The following PIKFYVE variants were observed in gnomAD, a reference collection of about 807,000 sequenced individuals.
PIKFYVE encodes 1-phosphatidylinositol 3-phosphate 5-kinase.
In PIKFYVE, 122 loss-of-function variants were observed where a neutral mutation model predicts 257.9. The observed-to-expected ratio is 0.47, with a 90% CI of 0.41 to 0.55. PIKFYVE has a LOEUF of 0.55. PIKFYVE is among the 20% of genes least tolerant of loss of function. The pLI, the probability that PIKFYVE is intolerant of heterozygous loss-of-function variation, is 0.00. For missense variants in PIKFYVE, 2,160 were observed against 2,536.6 expected, an observed-to-expected ratio of 0.85 and a Z score of 3.19; for synonymous variants, 892 against 868.9, an observed-to-expected ratio of 1.03 and a Z score of -0.47.
intron 25 of PIKFYVE, 58 bp downstream of exon 25, chr2:208,335,477 C>A: frequency 7.9e-7 from 1 of 1,262,252 alleles, no homozygotes; most frequent in Non-Finnish European, 1.1e-6. Flanking sequence ...TTTAAAGTAT[C>A]AGATTTATTC....
chr2:208,349,742 A>G (rs1465804), intron 35 of PIKFYVE, among the ~76,000 whole-genome samples: 141,262 of 151,960 alleles, frequency 0.93, 66,200 homozygotes, highest in Non-Finnish European at 0.98. Context: ...CTGAGTTACT[A>G]TATTGCCACT....
intron 17 of PIKFYVE, among the ~76,000 whole-genome samples, chr2:208,322,899 G>T (rs7567233): frequency 7.3e-6 from 1 of 136,738 alleles, no homozygotes; most frequent in South Asian, 2.5e-4. Context: ...CCTGTGTCCA[G>T]GTGTTCTCAA....
chr2:208,273,508 T>A, intron 2 of PIKFYVE, 76 bp from the exon 3 acceptor site: 2 of 1,588,526 alleles, frequency 1.3e-6, no homozygotes, highest in South Asian at 2.2e-5. Context: ...CATTGTTGCC[T>A]GAAAATTTTC....
At chr2:208,269,490 C>T (rs1689128647) in intron 1 of PIKFYVE, 1 of 255,306 alleles carries the variant, frequency 3.9e-6, no homozygotes, top group Non-Finnish European at 8.3e-6. Context: ...TGCTGTTCCC[C>T]TCCTTGACTA....
chr2:208,346,293 T>C (rs1699225620), intron 34 of PIKFYVE, 146 bp downstream of exon 34: 2 of 755,442 alleles, frequency 2.6e-6, no homozygotes, highest in Admixed American at 2.3e-5. Flanking sequence ...TATTTTTGTA[T>C]GCCCTCTTTA....
chr2:208,348,159 G>T, intron 35 of PIKFYVE, 136 bp downstream of exon 35: 1 of 1,137,442 alleles, frequency 8.8e-7, no homozygotes, highest in Non-Finnish European at 1.3e-6. Context: ...ACTTGTCAGT[G>T]TGGTAGAGTG....
chr2:208,352,519 T>C (rs1699867425), intron 38 of PIKFYVE, 135 bp from the exon 39 acceptor site: 1 of 932,190 alleles, frequency 1.1e-6, no homozygotes, highest in Admixed American at 2.7e-5. Context: ...TTCAAGAGTT[T>C]GAGTTTTTTT....
chr2:208,338,449 A>C, intron 28 of PIKFYVE, 59 bp from the exon 29 acceptor site: 2 of 1,551,162 alleles, frequency 1.3e-6, no homozygotes, highest in Admixed American at 1.7e-5. Context: ...TGGATTAAAA[A>C]ATTTTTTGAA....
intron 1 of PIKFYVE, chr2:208,269,847 G>C: frequency 3.5e-6 from 1 of 288,542 alleles, no homozygotes; most frequent in Non-Finnish European, 7.2e-6. Flanking sequence ...GGATGGGATA[G>C]CTGGCTCAGC....
chr2:208,327,003 C>G (rs1697003731), intron 20 of PIKFYVE, among the ~76,000 whole-genome samples: 1 of 152,014 alleles, frequency 6.6e-6, no homozygotes, highest in Admixed American at 6.6e-5. Context: ...AAATCCATTG[C>G]TAGATGAGGA....
At chr2:208,306,626 T>G (rs923003832) in intron 12 of PIKFYVE, among the ~76,000 whole-genome samples, 1 of 152,128 alleles carries the variant, frequency 6.6e-6, no homozygotes, top group Non-Finnish European at 1.5e-5. Flanking sequence ...AAAACCTAAC[T>G]TGAGAACATT....
intron 7 of PIKFYVE, among the ~76,000 whole-genome samples, chr2:208,289,138 A>G (rs1691964809): frequency 6.6e-6 from 1 of 152,216 alleles, no homozygotes; most frequent in African/African-American, 2.4e-5. Flanking sequence ...AGGAATAACA[A>G]ATTCCTGAGA....
intron 29 of PIKFYVE, 74 bp from the exon 30 acceptor site, chr2:208,339,344 G>C: frequency 6.5e-7 from 1 of 1,540,520 alleles, no homozygotes; most frequent in Non-Finnish European, 9.0e-7. Flanking sequence ...ATATGAATGA[G>C]CATTTAAAAA....
chr2:208,315,361 C>T lies in PIKFYVE; in HGVS notation c.1995C>T (p.Val665=), dbSNP rs1198418381. ...ATGACATGGATATCCGTCAGTTTGT[C>T]CACATCAAAAAAGTGAGCTCTGCTA... ...QDDDMDIRQF[V]HIKKIPGGKK... Residue 665 remains valine (V), a synonymous_variant, in exon 15 of 42, where the codon GTC becomes GTT. Transcript: ENST00000264380. The T allele has an allele frequency of 6.2e-6, 10 of 1,613,932 alleles. No homozygotes were observed. Among genetic ancestry groups the T allele is most frequent in the Non-Finnish European group, 8.5e-6 (10 of 1,179,996 alleles).
chr2:208,295,926 G>A (rs751195934), intron 7 of PIKFYVE, among the ~76,000 whole-genome samples: 1 of 152,042 alleles, frequency 6.6e-6, no homozygotes, highest in Non-Finnish European at 1.5e-5. Context: ...GTCTATCATT[G>A]CTTTTACACT....
At chr2:208,291,454 T>C (rs1692306566) in intron 7 of PIKFYVE, among the ~76,000 whole-genome samples, 1 of 152,134 alleles carries the variant, frequency 6.6e-6, no homozygotes, top group Non-Finnish European at 1.5e-5. Context: ...TGTCTTTGTC[T>C]GGTTTTGGTA....
intron 6 of PIKFYVE, among the ~76,000 whole-genome samples, chr2:208,286,952 A>G (rs1006379371): frequency 2.0e-5 from 3 of 152,238 alleles, no homozygotes; most frequent in African/African-American, 7.2e-5. Flanking sequence ...TAAGGAATTG[A>G]GAAATTAGTA....
At chr2:208,268,424 T>G (rs1032870036) in intron 1 of PIKFYVE, among the ~76,000 whole-genome samples, 1 of 5,290 alleles carries the variant, frequency 1.9e-4, no homozygotes, top group Non-Finnish European at 7.3e-4. Context: ...TCCAGAGCTC[T>G]TTTTTTTTTT....
upstream of PIKFYVE, chr2:208,266,226 C>G (rs1688600447): frequency 9.1e-6 from 1 of 109,896 alleles, no homozygotes; most frequent in South Asian, 3.5e-4. Context: ...GACAGGAAAA[C>G]AGAGGGCGGA....
Sources: gnomAD v4.1 joint callset for allele counts (sites outside exome capture counted in the v4.1 genomes callset) on GRCh38, gnomAD v4.1.1 for gene constraint, MANE v1.5 for transcripts, NCBI Gene and HGNC (gene_info 2026-07-23, HGNC 2026-07-21) for gene names.